SLC1A4: variants seen among roughly 807,000 people sequenced by gnomAD.
SLC1A4 encodes neutral amino acid transporter A.
In SLC1A4, 19 loss-of-function variants were observed where a neutral mutation model predicts 37.7. The ratio of observed to expected loss-of-function variants is 0.50; its 90% CI spans 0.35 to 0.74. The LOEUF is 0.74. SLC1A4 is among the 30% of genes least tolerant of loss of function. The pLI is 0.01. For synonymous variants in SLC1A4, 299 were observed against 309.8 expected (o/e 0.97, Z 0.37); for missense variants, 570 against 712.9 (o/e 0.80, Z 2.28).
intron 3 of SLC1A4, among the ~76,000 whole-genome samples, chr2:65,010,173 C>A (rs1673859775): frequency 6.6e-6 from 1 of 152,172 alleles, no homozygotes; most frequent in South Asian, 2.1e-4. Context: ...TTCAGGTGAT[C>A]CACTCGCCTT....
intron 1 of SLC1A4, among the ~76,000 whole-genome samples, chr2:64,992,534 G>T (rs1259513784): frequency 6.6e-6 from 1 of 152,148 alleles, no homozygotes; most frequent in Non-Finnish European, 1.5e-5. Context: ...GCAGCTCACG[G>T]ATAAAGGTAG....
At chr2:64,991,617 T>TTTGTTTG (rs1673060393) in intron 1 of SLC1A4, among the ~76,000 whole-genome samples, 2 of 86,968 alleles carry the variant, frequency 2.3e-5, no homozygotes, top group African/African-American at 9.2e-5. Flanking sequence ...TTGTTTGTTT[T>TTTGTTTG]TTGAGACGGA....
In SLC1A4 at chr2:65,018,088, C is replaced by A; in HGVS notation, c.1052C>A (p.Ser351Tyr). ...ATTTCTAGCTCAGCGACCCTTCCCT[C>A]TATGATGAAGTGCATTGAAGAGAAC... is the stretch of plus-strand genomic sequence containing the variant. The part of the protein sequence containing the change: ...ATCSSSATLP[S>Y]MMKCIEENNG... Residue 351 changes from serine to tyrosine, a missense_variant, in exon 6 of 8, where the codon TCT becomes TAT. Coordinates refer to ENST00000234256, the MANE Select transcript of SLC1A4 (RefSeq NM_003038.5). The surrounding 1 kb of genome is among the most constrained non-coding windows in gnomAD (Gnocchi z 4.3). The A allele has an allele frequency of 6.2e-7, 1 of 1,613,892 alleles. No individual in the cohort carries two copies. Among genetic ancestry groups the A allele is most frequent in the South Asian group, 1.1e-5 (1 of 91,058 alleles).
At chr2:65,004,320 A>G (rs1173961964) in intron 3 of SLC1A4, among the ~76,000 whole-genome samples, 12 of 152,142 alleles carry the variant, frequency 7.9e-5, no homozygotes. Context: ...TGGTGTGATC[A>G]TGGCTCACTG....
At chr2:65,015,416 GAAAA>G (rs962565263) in intron 4 of SLC1A4, among the ~76,000 whole-genome samples, 1 of 151,756 alleles carries the variant, frequency 6.6e-6, no homozygotes, top group African/African-American at 2.4e-5. Context: ...GGGTGAAAAA[GAAAA>G]AAACACATAG....
chr2:65,003,714 CCT>C (rs1251735494), intron 2 of SLC1A4, among the ~76,000 whole-genome samples: 2 of 152,168 alleles, frequency 1.3e-5, no homozygotes, highest in African/African-American at 4.8e-5. Flanking sequence ...GGAAATTCTC[CCT>C]GTTTCCTTGG....
chr2:65,018,534 C>T lies in SLC1A4; in HGVS notation c.1230-11C>T, dbSNP rs756342167. On this transcript the variant is annotated splice_polypyrimidine_tract_variant and intron_variant, in intron 6 of 7. Coordinates refer to ENST00000234256, the MANE Select transcript of SLC1A4 (RefSeq NM_003038.5). The surrounding 1 kb of genome is among the most constrained non-coding windows in gnomAD (Gnocchi z 4.3). ...TATGTTAATGGCTGGCCCTGCTCTG[C>T]CATCCCTTAGAGTGACTGCCACAGC... 15 of 1,613,706 alleles carry T rather than the reference C, an allele frequency of 9.3e-6. No individual in the cohort carries two copies. The highest frequency in any genetic ancestry group is 1.3e-5 in the Non-Finnish European group (15 of 1,179,862).
At chr2:65,001,217 C>A (rs1673445540) in intron 1 of SLC1A4, 1 of 511,160 alleles carries the variant, frequency 2.0e-6, no homozygotes, top group Non-Finnish European at 3.5e-6. Context: ...CATCTCAAAG[C>A]AGATACTTTG....
rs879388039 is a variant in SLC1A4, at chr2:65,002,726, T to TGC, written c.571-1226_571-1225dup. On this transcript the variant is annotated intron_variant, in intron 2 of 7. Transcript: ENST00000234256. Reference sequence around the variant, plus strand: ...CCAAGTAGCTGGGACTACAGGCGCCTGCCACCACACCCAGCTAATTTTTGT... The same window carrying TGC: ...CCAAGTAGCTGGGACTACAGGCGCCTGCGCCACCACACCCAGCTAATTTTTGT... 1.2e-3 allele frequency among the ~76,000 whole-genome samples: 178 copies of TGC among 151,728 alleles called. 3 individuals are homozygous for TGC. The highest frequency in any genetic ancestry group is 2.4e-3 in the Admixed American group (37 of 15,238).
chr2:65,006,474 A>G (rs756306242), intron 3 of SLC1A4, among the ~76,000 whole-genome samples: 3 of 152,226 alleles, frequency 2.0e-5, no homozygotes, highest in Non-Finnish European at 2.9e-5. Flanking sequence ...CCTGGGCAAC[A>G]GAGCGAGACT....
At chr2:65,020,783 A>T in intron 7 of SLC1A4, 129 bp from the exon 8 acceptor site, 1 of 710,366 alleles carries the variant, frequency 1.4e-6, no homozygotes, top group Non-Finnish European at 2.5e-6. Flanking sequence ...CCAATGCCTT[A>T]GAAGCATGCT....
At chr2:65,016,986 G>C (rs1674168212) in intron 5 of SLC1A4, among the ~76,000 whole-genome samples, 1 of 152,164 alleles carries the variant, frequency 6.6e-6, no homozygotes, top group Admixed American at 6.5e-5. Flanking sequence ...AAGCTTTTCT[G>C]TATTCCCCTG....
chr2:65,002,615 TTG>T (rs1673518449), intron 2 of SLC1A4, among the ~76,000 whole-genome samples: 1 of 138,500 alleles, frequency 7.2e-6, no homozygotes, highest in Admixed American at 7.8e-5. Flanking sequence ...TCTCACTCTG[TTG>T]CCCAGGCTGG....
chr2:65,019,572 G>A (rs1480510884), intron 7 of SLC1A4, among the ~76,000 whole-genome samples: 1 of 152,232 alleles, frequency 6.6e-6, no homozygotes, highest in South Asian at 2.1e-4. Flanking sequence ...TTCGTCACAG[G>A]CAGGGCCTGG....
chr2:65,001,197 T>C (rs1450626467), intron 1 of SLC1A4: 5 of 452,510 alleles, frequency 1.1e-5, no homozygotes, highest in Non-Finnish European at 2.0e-5. Context: ...GTTAGGGTTT[T>C]AGAAGTGGAC....
At position 65,003,982 on chromosome 2, in the gene SLC1A4, G is replaced by A. The variant is rs756242623; in HGVS notation, c.600G>A (p.Gln200=). ...TYATDYKVVT[Q]NSSSGNVTHE... ...CAACCGATTATAAAGTCGTGACCCAGAACAGCAGCTCTGGAAATGTAACCC... is the reference window on the plus strand; with the variant it reads ...CAACCGATTATAAAGTCGTGACCCAAAACAGCAGCTCTGGAAATGTAACCC... Residue 200 remains glutamine, a synonymous_variant, in exon 3 of 8, where the codon CAG becomes CAA. Transcript: ENST00000234256. 7.4e-6 allele frequency: 12 copies of A among 1,613,864 alleles called. No individual in the cohort carries two copies. Among genetic ancestry groups the A allele is most frequent in the Non-Finnish European group, 4.2e-6 (5 of 1,179,908 alleles).
Position 65,018,120 on chromosome 2 carries a change from G to A in SLC1A4, c.1084G>A (p.Val362Met). Residue 362 changes from valine (V) to methionine (M), a missense_variant, in exon 6 of 8, where the codon GTG (valine) becomes ATG (methionine). By Grantham distance (21) the Val-to-Met change is conservative. Coordinates refer to ENST00000234256, the MANE Select transcript of SLC1A4 (RefSeq NM_003038.5). The surrounding 1 kb of genome is among the most constrained non-coding windows in gnomAD (Gnocchi z 4.3). The part of the protein sequence containing the change: ...MMKCIEENNG[V>M]DKRISRFILP... ...GAAGTGCATTGAAGAGAACAATGGT[G>A]TGGACAAGAGGATCAGCAGGTTTAT... 1 of 1,614,182 alleles carries A rather than the reference G, an allele frequency of 6.2e-7. No homozygotes were observed. The highest frequency in any genetic ancestry group is 8.5e-7 in the Non-Finnish European group (1 of 1,180,036).
chr2:65,015,075 C>T (rs989852202), intron 4 of SLC1A4, among the ~76,000 whole-genome samples: 2 of 152,210 alleles, frequency 1.3e-5, no homozygotes, highest in South Asian at 4.1e-4. Flanking sequence ...ATAACCTAGA[C>T]ACAAAAGGAC....
intron 1 of SLC1A4, chr2:65,000,992 T>C (rs979626648): frequency 1.3e-5 from 2 of 153,468 alleles, no homozygotes; most frequent in African/African-American, 4.8e-5. Flanking sequence ...AACCTCTAGG[T>C]GAGAGGAAAG....
Sources: gnomAD v4.1 joint callset for allele counts (sites outside exome capture counted in the v4.1 genomes callset) on GRCh38, gnomAD v4.1.1 for gene constraint, Gnocchi (gnomAD v3.1) non-coding constraint, MANE v1.5 for transcripts, NCBI Gene and HGNC (gene_info 2026-07-23, HGNC 2026-07-21) for gene names.